ADGRG2: variants seen among roughly 807,000 people sequenced by gnomAD.
The protein encoded by ADGRG2 is G protein-coupled receptor 64.
Under a neutral mutation model 74.1 loss-of-function variants are expected in ADGRG2, and 26 were observed. The ratio of observed to expected loss-of-function variants is 0.35; its 90% confidence interval spans 0.26 to 0.49. The LOEUF is 0.49. ADGRG2 is among the 20% of genes least tolerant of loss of function. The pLI is 0.99. For synonymous variants in ADGRG2, 296 were observed against 295.2 expected (o/e 1.00, Z -0.03); for missense variants, 619 against 763.1 (o/e 0.81, Z 2.22).
At chrX:19,028,925 C>T (rs750517295) in intron 9 of ADGRG2, among the ~76,000 whole-genome samples, 1 of 112,113 alleles carries the variant, frequency 8.9e-6, no homozygotes, top group South Asian at 3.7e-4. Flanking sequence ...AACTACCCAA[C>T]TCTGCCATTG....
chrX:19,112,390 GCAGGATATTTGTGTCTTCCCA>G (rs1165960439), intron 1 of ADGRG2, among the ~76,000 whole-genome samples: 2 of 110,740 alleles, frequency 1.8e-5, no homozygotes, highest in Non-Finnish European at 3.8e-5. Flanking sequence ...GAAATTTTGA[GCAGGATATTTGTGTCTTCCCA>G]CAGACTGTGG....
chrX:19,065,036 A>T (rs2061543569), intron 3 of ADGRG2, among the ~76,000 whole-genome samples: 2 of 109,981 alleles, frequency 1.8e-5, no homozygotes, highest in Admixed American at 2.0e-4. Context: ...TTTGGGAAGC[A>T]AGGTGGGAGC....
intron 20 of ADGRG2, among the ~76,000 whole-genome samples, chrX:19,006,878 C>T (rs1393949713): frequency 9.3e-6 from 1 of 107,164 alleles, no homozygotes; most frequent in Non-Finnish European, 1.9e-5. Context: ...CGCCTCAGCC[C>T]TCCAAGTAGC....
intron 25 of ADGRG2, 64 bp downstream of exon 25, chrX:18,999,797 C>T (rs919517593): frequency 1.6e-5 from 11 of 675,165 alleles, no homozygotes; most frequent in African/African-American, 4.3e-5. Context: ...TTAGATCCTC[C>T]GTTTTCTAGG....
chrX:19,018,620 C>T (rs748464111), intron 15 of ADGRG2, among the ~76,000 whole-genome samples: 2 of 111,446 alleles, frequency 1.8e-5, no homozygotes, highest in Admixed American at 1.9e-4. Context: ...ATCTAACATC[C>T]AGAATTAGAC....
chrX:19,075,617 C>CAAAAAA (rs61690480), intron 2 of ADGRG2, among the ~76,000 whole-genome samples: 2 of 39,462 alleles, frequency 5.1e-5, no homozygotes, highest in Non-Finnish European at 9.8e-5. Context: ...GACTTCGCCT[C>CAAAAAA]AAAAAAAAAA....
intron 18 of ADGRG2, among the ~76,000 whole-genome samples, 191 bp from the exon 19 acceptor site, chrX:19,008,314 G>A (rs752133179): frequency 4.5e-5 from 5 of 111,359 alleles, no homozygotes; most frequent in East Asian, 5.6e-4. Flanking sequence ...CCTGACCTGC[G>A]GCATCTCTAT....
At chrX:19,009,806 A>ATTATTTAT (rs754423142) in intron 17 of ADGRG2, 24 bp from the exon 18 acceptor site, 3 of 1,122,112 alleles carry the variant, frequency 2.7e-6, no homozygotes, top group Middle Eastern at 2.5e-4. Context: ...TTGGCAGTTT[A>ATTATTTAT]TTATTTATTT....
intron 1 of ADGRG2, among the ~76,000 whole-genome samples, chrX:19,093,919 A>T: frequency 9.8e-6 from 1 of 101,999 alleles, no homozygotes; most frequent in South Asian, 3.9e-4. Context: ...ACACACACAC[A>T]CACACACACA....
intron 3 of ADGRG2, among the ~76,000 whole-genome samples, chrX:19,061,477 C>T (rs190197933): frequency 8.9e-6 from 1 of 111,971 alleles, no homozygotes; most frequent in East Asian, 2.8e-4. Flanking sequence ...CCCACAATTC[C>T]TAATGGAGTG....
rs1464523801 is a variant in ADGRG2 at position 18,989,820 on chromosome X, T to C, written c.*1044A>G. 1 of 112,349 alleles carries C rather than the reference T, an allele frequency of 8.9e-6. No homozygotes were observed. Among genetic ancestry groups the C allele is most frequent in the Non-Finnish European group, 1.9e-5 (1 of 53,176 alleles). The allele number at this position is 112,349 out of a possible 1,213,427, so 9.3% of individuals were successfully genotyped here. Reference sequence around the variant, plus strand: ...GCAATATGATTTTTTTCCATATATATGTACCTTTTTAAGAGAAGGAATCCT... The same window carrying C: ...GCAATATGATTTTTTTCCATATATACGTACCTTTTTAAGAGAAGGAATCCT... On this transcript the variant is annotated 3_prime_UTR_variant, in exon 29 of 29. Coordinates refer to ENST00000379869, the MANE Select transcript of ADGRG2 (RefSeq NM_001079858.3).
chrX:19,111,185 G>A (rs757857751), intron 1 of ADGRG2, among the ~76,000 whole-genome samples: 1 of 111,588 alleles, frequency 9.0e-6, no homozygotes, highest in East Asian at 2.8e-4. Context: ...AGAGAATCAG[G>A]TTTTGCATGA....
rs1292007470 is a variant in ADGRG2 at position 19,005,984 on chromosome X, G to A, written c.1839+18C>T. On this transcript the variant is annotated intron_variant, in intron 22 of 28. Coordinates refer to ENST00000379869, the MANE Select transcript of ADGRG2 (RefSeq NM_001079858.3). The stretch of plus-strand genomic sequence containing the variant: ...CCTCAGACTCAGAATTTAAGGCCAC[G>A]TGGCACAGGCATATTACCAGCAGAA... 6 of 1,075,706 alleles carry A rather than the reference G, an allele frequency of 5.6e-6. No individual in the cohort carries two copies. Among genetic ancestry groups the A allele is most frequent in the Middle Eastern group, 5.7e-4 (2 of 3,507 alleles). 88.7% of individuals were successfully genotyped at this position (1,075,706 alleles called of 1,213,427 possible). A position where few individuals can be genotyped will look rare whatever the true frequency, so the allele number is the denominator to read the frequency against.
intron 13 of ADGRG2, 63 bp downstream of exon 13, chrX:19,023,353 C>T (rs2146647757): frequency 1.5e-6 from 1 of 679,720 alleles, no homozygotes; most frequent in East Asian, 3.4e-5. Flanking sequence ...ACTAAGACTC[C>T]TTAATACTTT....
chrX:19,006,049 C>T lies in ADGRG2; in HGVS notation c.1792G>A (p.Glu598Lys). The T allele has an allele frequency of 8.3e-7, 1 of 1,208,762 alleles. No individual in the cohort carries two copies. Among genetic ancestry groups the T allele is most frequent in the Non-Finnish European group, 1.1e-6 (1 of 892,915 alleles). ...GCSVKDRRLN[E>K]TICTCSHLTS... ...AGATGGCTACAGGTACAGATGGTTTCATTCAATCTCCTGTCTTTGACAGAG... is the reference window on the plus strand; with the variant it reads ...AGATGGCTACAGGTACAGATGGTTTTATTCAATCTCCTGTCTTTGACAGAG... The change falls in exon 22 of 29, where the codon GAA becomes AAA. Residue 598 changes from glutamate to lysine, a missense_variant. Physicochemically the swap from Glu to Lys is moderately conservative, Grantham distance 56 (BLOSUM62 1). This residue lies in a region of ADGRG2 where 221 missense variants were observed against 340.6 expected (regional missense o/e 0.65). Coordinates refer to ENST00000379869, the MANE Select transcript of ADGRG2 (RefSeq NM_001079858.3).
At chrX:19,086,870 G>GCAATGA (rs1341571377) in intron 1 of ADGRG2, among the ~76,000 whole-genome samples, 2 of 111,588 alleles carry the variant, frequency 1.8e-5, no homozygotes, top group Middle Eastern at 4.2e-3. Flanking sequence ...GAAGTTCCTG[G>GCAATGA]CAATGACACT....
At position 19,019,664 on chromosome X, in the gene ADGRG2, T is replaced by C; in HGVS notation, c.645A>G (p.Glu215=). The stretch of plus-strand genomic sequence containing the variant: ...GTATCCTGACAGAACAGCAGCAGTG[T>C]TCTAGGAGAGACAAAAGGAAAAGGA... ...ALERVKIRPM[E]HCCCSVRIPC... is the part of the protein sequence containing the mutation. Residue 215 remains glutamate (E), a splice_region_variant and synonymous_variant, in exon 15 of 29, where the codon GAA becomes GAG. Coordinates refer to ENST00000379869, the MANE Select transcript of ADGRG2 (RefSeq NM_001079858.3). 8.8e-7 allele frequency: 1 copy of C among 1,140,415 alleles called. No individual in the cohort carries two copies. The highest frequency in any genetic ancestry group is 1.2e-6 in the Non-Finnish European group (1 of 833,700). The allele number at this position is 1,140,415 out of a possible 1,213,427, so 94.0% of individuals were successfully genotyped here.
chrX:18,996,923 T>A (rs937184364), intron 26 of ADGRG2, among the ~76,000 whole-genome samples: 2 of 111,741 alleles, frequency 1.8e-5, no homozygotes, highest in Admixed American at 9.5e-5. Context: ...AAAACCTTCA[T>A]TTTAAGATAC....
chrX:19,090,694 C>A lies in ADGRG2; in HGVS notation c.-46-7948G>T, dbSNP rs141880166. Reference sequence around the variant, plus strand: ...TATTCTCACTCTAACTTATTTTTTTCTCCTGAATGATGTATTTTTTTTTTG... The same window carrying A: ...TATTCTCACTCTAACTTATTTTTTTATCCTGAATGATGTATTTTTTTTTTG... On this transcript the variant is annotated intron_variant, in intron 1 of 28. Coordinates refer to ENST00000379869, the MANE Select transcript of ADGRG2 (RefSeq NM_001079858.3). 6.6e-3 allele frequency among the ~76,000 whole-genome samples: 654 copies of A among 98,680 alleles called. 14 individuals are homozygous for A. Among genetic ancestry groups the A allele is most frequent in the Admixed American group, 0.063 (574 of 9,146 alleles). 85.7% of individuals were successfully genotyped at this position (98,680 alleles called of 115,157 possible).
Sources: allele counts gnomAD v4.1 joint callset (sites outside exome capture counted in the v4.1 genomes callset), GRCh38; gene constraint gnomAD v4.1.1; regional missense constraint gnomAD v4.1.1; transcripts MANE v1.5; gene names NCBI Gene and HGNC (gene_info 2026-07-23, HGNC 2026-07-21).